NLGN4X: variants seen among roughly 807,000 people sequenced by gnomAD.
The protein encoded by NLGN4X is neuroligin 4 X-linked, also known as neuroligin-4, X-linked.
NLGN4X carries 3 observed loss-of-function variants against 40.3 expected under a neutral mutation model. The observed-to-expected ratio is 0.07, with a 90% CI of 0.03 to 0.19. The LOEUF is 0.19. NLGN4X is among the 10% of genes least tolerant of loss of function. The pLI, the probability that NLGN4X is intolerant of heterozygous loss-of-function variation, is 1.00. For missense variants in NLGN4X, 382 were observed against 708.3 expected, an observed-to-expected ratio of 0.54 and a Z score of 5.23; for synonymous variants, 270 against 306.8, an observed-to-expected ratio of 0.88 and a Z score of 1.25.
intron 2 of NLGN4X, among the ~76,000 whole-genome samples, chrX:6,058,619 T>C (rs1389731582): frequency 8.9e-6 from 1 of 111,970 alleles, no homozygotes; most frequent in Non-Finnish European, 1.9e-5. Flanking sequence ...CAACTTACAA[T>C]GTTATATTTA....
intron 2 of NLGN4X, among the ~76,000 whole-genome samples, chrX:6,132,522 C>T (rs1343691888): frequency 9.0e-6 from 1 of 111,581 alleles, no homozygotes; most frequent in Non-Finnish European, 1.9e-5. Flanking sequence ...TAGCACCTCC[C>T]CAGCTGTGAC....
intron 3 of NLGN4X, among the ~76,000 whole-genome samples, chrX:5,993,540 A>C (rs2147104368): frequency 8.9e-6 from 1 of 111,891 alleles, no homozygotes; most frequent in African/African-American, 3.2e-5. Flanking sequence ...CAAGCAGGGC[A>C]CAACTGCCCA....
intron 2 of NLGN4X, among the ~76,000 whole-genome samples, chrX:6,081,851 G>A (rs1356556050): frequency 3.6e-5 from 4 of 112,211 alleles, no homozygotes; most frequent in Non-Finnish European, 3.8e-5. Context: ...AGGAGAAATC[G>A]ATCTTATTTT....
At chrX:6,077,296 C>G (rs56409862) in intron 2 of NLGN4X, among the ~76,000 whole-genome samples, 58 of 88,817 alleles carry the variant, frequency 6.5e-4, no homozygotes, top group South Asian at 2.0e-3. Context: ...GTGTGTGTGT[C>G]TGTGTGTGTG....
intron 3 of NLGN4X, among the ~76,000 whole-genome samples, chrX:5,938,766 AG>A (rs1263575704): frequency 8.9e-6 from 1 of 111,859 alleles, no homozygotes; most frequent in Non-Finnish European, 1.9e-5. Flanking sequence ...AATCATAATC[AG>A]AAAAACACAA....
chrX:5,982,032 T>G (rs1423819766), intron 3 of NLGN4X, among the ~76,000 whole-genome samples: 1 of 112,046 alleles, frequency 8.9e-6, no homozygotes, highest in Non-Finnish European at 1.9e-5. Context: ...GTAATTTGTA[T>G]TTAAAACACT....
intron 3 of NLGN4X, 121 bp from the exon 4 acceptor site, chrX:5,909,360 C>T (rs1463899994): frequency 3.6e-6 from 3 of 835,036 alleles, no homozygotes; most frequent in African/African-American, 2.0e-5. Flanking sequence ...AACTCTCACC[C>T]CCACCAATTA....
chrX:5,949,814 G>A (rs756879149), intron 3 of NLGN4X, among the ~76,000 whole-genome samples: 1 of 111,526 alleles, frequency 9.0e-6, no homozygotes, highest in African/African-American at 3.3e-5. Flanking sequence ...ATGGATTGGT[G>A]CATGTGGAAA....
chrX:6,093,942 G>C (rs2038699443), intron 2 of NLGN4X, among the ~76,000 whole-genome samples: 1 of 111,470 alleles, frequency 9.0e-6, no homozygotes, highest in Non-Finnish European at 1.9e-5. Context: ...ATTCATTAAT[G>C]GAAGATACAA....
At chrX:5,972,832 G>A (rs2035065682) in intron 3 of NLGN4X, among the ~76,000 whole-genome samples, 2 of 110,877 alleles carry the variant, frequency 1.8e-5, no homozygotes, top group South Asian at 7.6e-4. Flanking sequence ...ACAGGCATGA[G>A]ACACTGTGCC....
Position 5,890,412 on chromosome X carries a change from T to A in NLGN4X, c.*2405A>T. On this transcript the variant is annotated 3_prime_UTR_variant, in exon 6 of 6. Coordinates refer to ENST00000381095, the MANE Select transcript of NLGN4X (RefSeq NM_181332.3). ...AATCCCCTGTAAAAGCTAAAGTTATTCACTTAACAGGAACTCTGTTTTTCC... is the reference window on the plus strand; with the variant it reads ...AATCCCCTGTAAAAGCTAAAGTTATACACTTAACAGGAACTCTGTTTTTCC... 4.1e-6 allele frequency: 1 copy of A among 246,908 alleles called. No individual in the cohort carries two copies. The highest frequency in any genetic ancestry group is 7.4e-6 in the Non-Finnish European group (1 of 135,558). 20.3% of individuals were successfully genotyped at this position (246,908 alleles called of 1,213,427 possible).
intron 1 of NLGN4X, among the ~76,000 whole-genome samples, chrX:6,173,036 T>A (rs958464744): frequency 1.8e-5 from 2 of 112,323 alleles, no homozygotes; most frequent in Non-Finnish European, 3.8e-5. Context: ...TGGGTCCTTA[T>A]GTCCTAACTT....
At chrX:6,183,383 T>C (rs892893013) in intron 1 of NLGN4X, among the ~76,000 whole-genome samples, 1 of 109,220 alleles carries the variant, frequency 9.2e-6, no homozygotes, top group Non-Finnish European at 1.9e-5. Context: ...CTGTCTCTAC[T>C]AAAAATACAA....
At chrX:5,894,839 T>G (rs1321518926) in intron 5 of NLGN4X, among the ~76,000 whole-genome samples, 1 of 112,408 alleles carries the variant, frequency 8.9e-6, no homozygotes, top group Non-Finnish European at 1.9e-5. Flanking sequence ...AGATTATGCA[T>G]GGCAAAATGT....
intron 2 of NLGN4X, among the ~76,000 whole-genome samples, chrX:6,067,758 T>C (rs779329949): frequency 5.5e-4 from 61 of 111,326 alleles, no homozygotes; most frequent in African/African-American, 1.9e-3. Context: ...AACAGATGGA[T>C]GTAAATGGCA....
chrX:6,099,512 G>T (rs979796077), intron 2 of NLGN4X, among the ~76,000 whole-genome samples: 1 of 112,117 alleles, frequency 8.9e-6, no homozygotes, highest in Non-Finnish European at 1.9e-5. Context: ...ATTCACTTAA[G>T]TGTTTCCTGG....
chrX:6,196,304 CT>C (rs1923042170), intron 1 of NLGN4X, among the ~76,000 whole-genome samples: 1 of 111,269 alleles, frequency 9.0e-6, no homozygotes, highest in South Asian at 3.8e-4. Context: ...GTAATCCCAG[CT>C]ACTCGGGAGG....
At chrX:5,951,486 A>G (rs746075467) in intron 3 of NLGN4X, among the ~76,000 whole-genome samples, 3 of 110,974 alleles carry the variant, frequency 2.7e-5, no homozygotes, top group African/African-American at 6.6e-5. Context: ...TATATGATTC[A>G]GGGTGTTTGT....
At chrX:6,099,449 T>C (rs1343983158) in intron 2 of NLGN4X, among the ~76,000 whole-genome samples, 2 of 112,547 alleles carry the variant, frequency 1.8e-5, no homozygotes. Flanking sequence ...TGTTCTTTCT[T>C]GGACTCTAGT....
Sources: allele counts gnomAD v4.1 joint callset (sites outside exome capture counted in the v4.1 genomes callset), GRCh38; gene constraint gnomAD v4.1.1; transcripts MANE v1.5; gene names NCBI Gene and HGNC (gene_info 2026-07-23, HGNC 2026-07-21).